METTL15: variants seen among roughly 807,000 people sequenced by gnomAD.
The protein encoded by METTL15 is methyltransferase 15, mitochondrial 12S rRNA N4-cytidine.
A neutral mutation model predicts 38.3 loss-of-function variants in METTL15; 34 were observed. The ratio of observed to expected loss-of-function variants is 0.89; its 90% CI spans 0.68 to 1.18. The LOEUF (loss-of-function observed/expected upper bound fraction) is 1.18, where lower values mean the gene tolerates loss of function less well. METTL15 is among the 50% of genes most tolerant of loss of function. The pLI, the probability that METTL15 is intolerant of heterozygous loss-of-function variation, is 0.00. For synonymous variants in METTL15, 162 were observed against 170.9 expected, an observed-to-expected ratio of 0.95 and a Z score of 0.41; for missense variants, 438 against 498.4, an observed-to-expected ratio of 0.88 and a Z score of 1.15.
chr11:28,525,097 C>G (rs1851798324), intron 6 of METTL15, among the ~76,000 whole-genome samples: 1 of 152,132 alleles, frequency 6.6e-6, no homozygotes, highest in Non-Finnish European at 1.5e-5. Flanking sequence ...AACTGCAGAC[C>G]TTCGCTGTGA....
intron 3 of METTL15, among the ~76,000 whole-genome samples, chr11:28,142,059 G>A (rs1010074433): frequency 2.8e-4 from 42 of 152,312 alleles, no homozygotes; most frequent in African/African-American, 9.6e-4. Context: ...ATTTGCAAAG[G>A]CAGTTTTACT....
At chr11:28,470,124 T>A (rs113351430) in intron 6 of METTL15, among the ~76,000 whole-genome samples, 1 of 152,176 alleles carries the variant, frequency 6.6e-6, no homozygotes, top group Admixed American at 6.5e-5. Context: ...TTGGTAATAA[T>A]GTTCAAGGGA....
At chr11:28,478,918 AC>A (rs11284101) in intron 6 of METTL15, among the ~76,000 whole-genome samples, 61,606 of 152,006 alleles carry the variant, frequency 0.41, 14,297 homozygotes, top group Admixed American at 0.52. Context: ...ACAACATGGC[AC>A]CTGCCAAGGG....
At chr11:28,500,125 C>T (rs1851570356) in intron 6 of METTL15, among the ~76,000 whole-genome samples, 1 of 151,458 alleles carries the variant, frequency 6.6e-6, no homozygotes, top group South Asian at 2.1e-4. Context: ...GACATAGAAA[C>T]TCCTGTAGTG....
intron 3 of METTL15, among the ~76,000 whole-genome samples, chr11:28,183,190 A>G (rs1459638882): frequency 7.9e-5 from 12 of 152,218 alleles, no homozygotes; most frequent in Middle Eastern, 3.4e-3. Flanking sequence ...ATATACGCTC[A>G]TGTCATCTGC....
intron 6 of METTL15, among the ~76,000 whole-genome samples, chr11:28,310,958 GGTGGTGGGTGTGT>G (rs1857270366): frequency 8.0e-6 from 1 of 124,856 alleles, no homozygotes; most frequent in South Asian, 2.7e-4. Context: ...TGGTGGTGGT[GGTGGTGGGTGTGT>G]GTGTGTGTGT....
chr11:28,214,482 T>A (rs1852780272), intron 4 of METTL15, among the ~76,000 whole-genome samples: 2 of 152,144 alleles, frequency 1.3e-5, no homozygotes, highest in African/African-American at 4.8e-5. Context: ...CCTAATGAAG[T>A]TTATTTCATG....
chr11:28,360,790 C>T (rs1850130500), intron 4 of METTL15, among the ~76,000 whole-genome samples: 1 of 150,018 alleles, frequency 6.7e-6, no homozygotes, highest in Non-Finnish European at 1.5e-5. Flanking sequence ...GTATATCTCC[C>T]AGTGCTATTC....
chr11:28,385,239 A>C (rs1235084900), intron 5 of METTL15, among the ~76,000 whole-genome samples: 5 of 152,148 alleles, frequency 3.3e-5, no homozygotes, highest in African/African-American at 1.2e-4. Flanking sequence ...TCTGAATAGT[A>C]TTACCTAGAT....
At chr11:28,208,056 A>T (rs1852442098) in intron 3 of METTL15, among the ~76,000 whole-genome samples, 1 of 152,002 alleles carries the variant, frequency 6.6e-6, no homozygotes, top group Admixed American at 6.6e-5. Context: ...GTTTCAAAAA[A>T]CCAGCTCCTG....
At chr11:28,285,241 A>AACT (rs1396313815) in intron 4 of METTL15, among the ~76,000 whole-genome samples, 1 of 152,164 alleles carries the variant, frequency 6.6e-6, no homozygotes, top group African/African-American at 2.4e-5. Flanking sequence ...TATGAGAATG[A>AACT]ACTAACATAC....
intron 5 of METTL15, among the ~76,000 whole-genome samples, chr11:28,371,701 C>T (rs189100986): frequency 5.9e-5 from 9 of 152,010 alleles, no homozygotes; most frequent in Admixed American, 1.3e-4. Context: ...TTTGTATAGA[C>T]CTTTCACTTC....
At chr11:28,445,942 T>TGCCTG (rs1851071820) in intron 6 of METTL15, among the ~76,000 whole-genome samples, 1 of 152,154 alleles carries the variant, frequency 6.6e-6, no homozygotes, top group African/African-American at 2.4e-5. Context: ...TGAACCCCCG[T>TGCCTG]GCCTGGCCTG....
downstream of METTL15, among the ~76,000 whole-genome samples, chr11:28,528,741 C>T (rs1241626723): frequency 1.3e-5 from 2 of 152,102 alleles, no homozygotes; most frequent in Non-Finnish European, 2.9e-5. Context: ...GTGTTTGTAT[C>T]GCATAGATAC....
intron 5 of METTL15, among the ~76,000 whole-genome samples, chr11:28,421,533 A>G (rs1850820262): frequency 6.6e-6 from 1 of 152,104 alleles, no homozygotes; most frequent in African/African-American, 2.4e-5. Flanking sequence ...GATTTATCCC[A>G]GAGATGCAAA....
chr11:28,243,457 T>C (rs1314192392), intron 4 of METTL15, among the ~76,000 whole-genome samples: 1 of 152,200 alleles, frequency 6.6e-6, no homozygotes, highest in Non-Finnish European at 1.5e-5. Context: ...CTGAAGGCCC[T>C]TTTATCTTCC....
At chr11:28,191,241 GT>G (rs1460295462) in intron 3 of METTL15, among the ~76,000 whole-genome samples, 6 of 150,178 alleles carry the variant, frequency 4.0e-5, no homozygotes, top group Admixed American at 2.7e-4. Flanking sequence ...GTTTGTGAAA[GT>G]TTTTTTTTCT....
At chr11:28,364,107 G>C (rs1850165141) in intron 5 of METTL15, among the ~76,000 whole-genome samples, 1 of 152,142 alleles carries the variant, frequency 6.6e-6, no homozygotes, top group African/African-American at 2.4e-5. Flanking sequence ...CTTGCAGTCA[G>C]GCAATGTGAT....
At chr11:28,314,746 T>G (rs1857422133) in intron 6 of METTL15, among the ~76,000 whole-genome samples, 1 of 152,148 alleles carries the variant, frequency 6.6e-6, no homozygotes. Flanking sequence ...ATAATTCCCA[T>G]GTATTGTGGG....
Sources: allele counts gnomAD v4.1 joint callset (sites outside exome capture counted in the v4.1 genomes callset), GRCh38; gene constraint gnomAD v4.1.1; transcripts MANE v1.5; gene names NCBI Gene and HGNC (gene_info 2026-07-23, HGNC 2026-07-21).